The following TDRD5 variants were observed in gnomAD, a reference collection of about 807,000 sequenced individuals.
TDRD5 encodes tudor domain-containing protein 5.
Under a neutral mutation model 120.6 loss-of-function variants are expected in TDRD5, and 41 were observed. The observed-to-expected ratio is 0.34, with a 90% confidence interval of 0.26 to 0.44. The LOEUF (loss-of-function observed/expected upper bound fraction) is 0.44, where lower values mean the gene tolerates loss of function less well. Ranked by LOEUF, TDRD5 falls within the 20% of genes least tolerant of loss-of-function variation. TDRD5 has a pLI of 1.00. For synonymous variants in TDRD5, 430 were observed against 433.7 expected, an observed-to-expected ratio of 0.99 and a Z score of 0.11; for missense variants, 1,006 against 1,221.2, an observed-to-expected ratio of 0.82 and a Z score of 2.63.
At chr1:179,629,594 CAT>C (rs1162111381) in intron 6 of TDRD5, among the ~76,000 whole-genome samples, 2 of 152,180 alleles carry the variant, frequency 1.3e-5, no homozygotes, top group East Asian at 1.9e-4. Context: ...ATAAATGCAA[CAT>C]ATTTATTGTC....
At chr1:179,634,844 A>G (rs1465990688) in intron 8 of TDRD5, among the ~76,000 whole-genome samples, 1 of 152,192 alleles carries the variant, frequency 6.6e-6, no homozygotes, top group East Asian at 1.9e-4. Context: ...GGCTCATTTT[A>G]AAGTTTTCAA....
chr1:179,595,753 G>A lies in TDRD5; in HGVS notation c.766G>A (p.Glu256Lys). Residue 256 changes from glutamate to lysine, a missense_variant, in exon 4 of 18, where the codon GAA becomes AAA. By Grantham distance (56) the Glu-to-Lys change is moderately conservative. Around this residue, in one of 3 missense-constraint regions of TDRD5, gnomAD observed 445 missense variants for 515.5 expected, o/e 0.86. Coordinates refer to ENST00000444136, the MANE Select transcript of TDRD5 (RefSeq NM_001199085.3). Reference protein sequence around the residue: ...MEPPKQIMSMEKTSKLNVVET... With the variant: ...MEPPKQIMSMKKTSKLNVVET... ...ACCACCGAAGCAAATAATGAGCATGGAAAAGACTTCCAAGTTAAATGTAGT... is the reference window on the plus strand; with the variant it reads ...ACCACCGAAGCAAATAATGAGCATGAAAAAGACTTCCAAGTTAAATGTAGT... 1 of 1,613,774 alleles carries A rather than the reference G, an allele frequency of 6.2e-7. No homozygotes were observed. The highest frequency in any genetic ancestry group is 8.5e-7 in the Non-Finnish European group (1 of 1,179,828).
intron 17 of TDRD5, 42 bp downstream of exon 17, chr1:179,669,446 A>T: frequency 1.2e-6 from 2 of 1,604,358 alleles, no homozygotes; most frequent in East Asian, 4.5e-5. Context: ...GTTGACAAAC[A>T]TGATGGTTTG....
intron 16 of TDRD5, among the ~76,000 whole-genome samples, chr1:179,663,906 G>C (rs1347909871): frequency 6.6e-6 from 1 of 152,136 alleles, no homozygotes; most frequent in Non-Finnish European, 1.5e-5. Flanking sequence ...GTCTAGACTG[G>C]TTTCTTCATT....
At chr1:179,654,767 C>CA (rs1678908818) in intron 14 of TDRD5, among the ~76,000 whole-genome samples, 1 of 151,364 alleles carries the variant, frequency 6.6e-6, no homozygotes. Context: ...GACTCTGTCT[C>CA]AAAAAAATAA....
chr1:179,688,895 T>G (rs1396475096), intron 17 of TDRD5, among the ~76,000 whole-genome samples: 1 of 152,240 alleles, frequency 6.6e-6, no homozygotes, highest in Admixed American at 6.5e-5. Flanking sequence ...TTCAGCTCCA[T>G]CAAGTCTTTA....
chr1:179,671,895 G>A (rs1679872353), intron 17 of TDRD5, among the ~76,000 whole-genome samples: 2 of 151,648 alleles, frequency 1.3e-5, no homozygotes, highest in African/African-American at 2.4e-5. Context: ...ATTCCATCCA[G>A]GTTGCTGCAT....
At chr1:179,597,332 CTTTTTT>C (rs945509784) in intron 4 of TDRD5, among the ~76,000 whole-genome samples, 10 of 125,570 alleles carry the variant, frequency 8.0e-5, no homozygotes, top group South Asian at 2.6e-4. Context: ...TTCTTTTTTT[CTTTTTT>C]TTTTTTTTTT....
intron 3 of TDRD5, among the ~76,000 whole-genome samples, chr1:179,594,777 A>G (rs1675297951): frequency 6.6e-6 from 1 of 152,272 alleles, no homozygotes; most frequent in Non-Finnish European, 1.5e-5. Context: ...GTTTGAGGAT[A>G]TGAGGATATA....
chr1:179,610,696 T>C (rs562068849), intron 4 of TDRD5, among the ~76,000 whole-genome samples: 1 of 152,308 alleles, frequency 6.6e-6, no homozygotes, highest in Admixed American at 6.5e-5. Flanking sequence ...TTTTGGTTAC[T>C]GACAAAGTTG....
chr1:179,614,850 G>A (rs770500401), intron 4 of TDRD5, among the ~76,000 whole-genome samples: 2 of 152,114 alleles, frequency 1.3e-5, no homozygotes, highest in African/African-American at 4.8e-5. Context: ...AAATCAAGCT[G>A]TTTGACATGT....
chr1:179,645,852 CA>C (rs57465328), intron 11 of TDRD5, among the ~76,000 whole-genome samples: 5,777 of 150,554 alleles, frequency 0.038, 174 homozygotes, highest in East Asian at 0.11. Context: ...TCTACTAATG[CA>C]AAAAAAAACT....
chr1:179,664,740 C>T (rs1471624953), intron 16 of TDRD5, among the ~76,000 whole-genome samples: 1 of 152,106 alleles, frequency 6.6e-6, no homozygotes, highest in African/African-American at 2.4e-5. Context: ...CACATTTTGG[C>T]TATTATGCTG....
intron 16 of TDRD5, 22 bp from the exon 17 acceptor site, chr1:179,669,172 C>A (rs1156877462): frequency 6.3e-7 from 1 of 1,598,968 alleles, no homozygotes; most frequent in South Asian, 1.1e-5. Flanking sequence ...CATGTTTTTG[C>A]CCCATTTTTC....
At chr1:179,658,728 A>G (rs1358900740) in intron 14 of TDRD5, among the ~76,000 whole-genome samples, 1 of 152,094 alleles carries the variant, frequency 6.6e-6, no homozygotes, top group East Asian at 1.9e-4. Flanking sequence ...TTCCTAGAGA[A>G]TAAGCTTTTG....
At chr1:179,628,810 A>T (rs1677280698) in intron 6 of TDRD5, among the ~76,000 whole-genome samples, 1 of 152,196 alleles carries the variant, frequency 6.6e-6, no homozygotes, top group Non-Finnish European at 1.5e-5. Context: ...AGTATATGTA[A>T]TCTATTATGT....
At chr1:179,688,994 C>G (rs1417738738) in intron 17 of TDRD5, among the ~76,000 whole-genome samples, 1 of 152,152 alleles carries the variant, frequency 6.6e-6, no homozygotes, top group Non-Finnish European at 1.5e-5. Flanking sequence ...TTCGAACATC[C>G]TCCTTTAGCT....
intron 8 of TDRD5, 54 bp from the exon 9 acceptor site, chr1:179,635,613 A>G (rs193276026): frequency 1.1e-5 from 17 of 1,495,154 alleles, no homozygotes; most frequent in Non-Finnish European, 1.5e-5. Context: ...GAAACATGCC[A>G]TGGGGTTTGA....
intron 11 of TDRD5, among the ~76,000 whole-genome samples, chr1:179,646,550 G>A (rs994183716): frequency 1.4e-5 from 2 of 146,534 alleles, no homozygotes; most frequent in Non-Finnish European, 3.0e-5. Flanking sequence ...GCACAAGACA[G>A]GGATGCCCTG....
Sources: allele counts gnomAD v4.1 joint callset (sites outside exome capture counted in the v4.1 genomes callset), GRCh38; gene constraint gnomAD v4.1.1; regional missense constraint gnomAD v4.1.1; transcripts MANE v1.5; gene names NCBI Gene and HGNC (gene_info 2026-07-23, HGNC 2026-07-21).